CBR4: variants seen among roughly 807,000 people sequenced by gnomAD.
CBR4 encodes 3-oxoacyl-[acyl-carrier-protein] reductase.
A neutral mutation model predicts 21.0 loss-of-function variants in CBR4; 22 were observed. The observed-to-expected ratio is 1.05, with a 90% CI of 0.75 to 1.50. The LOEUF is 1.50. CBR4 is among the 40% of genes most tolerant of loss of function. CBR4 has a pLI of 0.00. For missense variants in CBR4, 302 were observed against 286.3 expected (o/e 1.05, Z -0.40); for synonymous variants, 100 against 104.4 (o/e 0.96, Z 0.26).
rs959609197 is a variant in CBR4 at position 168,914,188 on chromosome 4, T to C, written n.170-19423A>G. The C allele has an allele frequency of 2.4e-5, 15 of 631,858 alleles. No homozygotes were observed. The East Asian group carries it at 4.2e-4, about 18-fold the overall frequency. The allele number at this position is 631,858 out of a possible 1,614,324, so 39.1% of individuals were successfully genotyped here. Reference sequence around the variant, plus strand: ...CCTTGATTATTATGCTCCCTTGTGATGCAGAAAGGGAATGGGAACAAACAT... The same window carrying C: ...CCTTGATTATTATGCTCCCTTGTGACGCAGAAAGGGAATGGGAACAAACAT... On this transcript the variant is annotated intron_variant and non_coding_transcript_variant, in intron 2 of 3. Transcript: ENST00000509108.
chr4:168,926,460 T>A, intron 2 of CBR4: 1 of 1,066,416 alleles, frequency 9.4e-7, no homozygotes, highest in Non-Finnish European at 1.4e-6. Flanking sequence ...TCACATTATG[T>A]AAAAGGCAGA....
At chr4:168,939,453 T>C (rs958442697) in intron 2 of CBR4, among the ~76,000 whole-genome samples, 6 of 152,114 alleles carry the variant, frequency 3.9e-5, no homozygotes, top group African/African-American at 1.4e-4. Flanking sequence ...GACAGGGCAA[T>C]CAGGCAAGAG....
intron 2 of CBR4, chr4:168,925,507 C>A: frequency 1.9e-6 from 1 of 526,042 alleles, no homozygotes; most frequent in Non-Finnish European, 3.4e-6. Context: ...ACGTGTGTTC[C>A]ATTGATCCTG....
chr4:169,006,994 T>C, intron 2 of CBR4, 103 bp from the exon 3 acceptor site: 1 of 871,952 alleles, frequency 1.1e-6, no homozygotes, highest in Non-Finnish European at 1.8e-6. Context: ...AAGTGCTTCC[T>C]ATCTGAGCTA....
intron 2 of CBR4, among the ~76,000 whole-genome samples, chr4:168,901,364 T>C (rs1266187038): frequency 6.6e-6 from 1 of 152,230 alleles, no homozygotes; most frequent in Non-Finnish European, 1.5e-5. Context: ...CTCGTGCTTG[T>C]GCCCTCCCGA....
At chr4:168,965,918 C>T (rs1764010785) in intron 2 of CBR4, among the ~76,000 whole-genome samples, 1 of 152,008 alleles carries the variant, frequency 6.6e-6, no homozygotes, top group African/African-American at 2.4e-5. Context: ...AATTAAAGAG[C>T]TTCTGCACAG....
chr4:168,918,723 A>G (rs921056965), intron 2 of CBR4, among the ~76,000 whole-genome samples: 4 of 152,190 alleles, frequency 2.6e-5, no homozygotes, highest in Non-Finnish European at 5.9e-5. Flanking sequence ...TATGTTAATC[A>G]GCTCAGTTTA....
chr4:168,912,995 A>G (rs370160485), intron 2 of CBR4, among the ~76,000 whole-genome samples: 1 of 152,256 alleles, frequency 6.6e-6, no homozygotes, highest in East Asian at 1.9e-4. Flanking sequence ...CTAGTTTTTA[A>G]ATCTCAAATA....
intron 2 of CBR4, among the ~76,000 whole-genome samples, chr4:168,961,047 G>C (rs1203139814): frequency 6.6e-6 from 1 of 152,204 alleles, no homozygotes. Flanking sequence ...AAGTGATCAC[G>C]TATTACAAGA....
At position 168,926,406 on chromosome 4, in the gene CBR4, T is replaced by C. The variant is rs1359781943; in HGVS notation, n.170-31641A>G. On this transcript the variant is annotated intron_variant and non_coding_transcript_variant, in intron 2 of 3. Coordinates refer to the CBR4 transcript ENST00000509108. ...TGTAATCCAGCATTCTTGTTAAAGC[T>C]GAAACACTGAAACAGCCATTGCCTT... 5 of 1,508,606 alleles carry C rather than the reference T, an allele frequency of 3.3e-6. No individual in the cohort carries two copies. The Admixed American group carries it at 9.8e-5, about 30-fold the overall frequency. 93.5% of individuals were successfully genotyped at this position (1,508,606 alleles called of 1,614,324 possible).
At position 168,988,970 on chromosome 4, in the gene CBR4, C is replaced by A. The variant is rs573855176; in HGVS notation, c.*1180G>T. The A allele has an allele frequency of 1.0e-6, 1 of 983,462 alleles. No homozygotes were observed. Among genetic ancestry groups the A allele is most frequent in the African/African-American group, 1.7e-5 (1 of 57,290 alleles). The allele number at this position is 983,462 out of a possible 1,614,324, so 60.9% of individuals were successfully genotyped here. ...TGACACTGAAAATATCATACTATTC[C>A]CGATAAAAAGAGTTTAATGCAAAAT... On this transcript the variant is annotated 3_prime_UTR_variant, in exon 5 of 5. Coordinates refer to ENST00000306193, the MANE Select transcript of CBR4 (RefSeq NM_032783.5).
At chr4:168,932,282 T>C (rs1027657058) in intron 2 of CBR4, among the ~76,000 whole-genome samples, 10 of 148,590 alleles carry the variant, frequency 6.7e-5, no homozygotes, top group African/African-American at 2.5e-4. Flanking sequence ...AGTTGAAGAA[T>C]TCAATGAATA....
At position 168,917,474 on chromosome 4, in the gene CBR4, A is replaced by T. The variant is rs570280543; in HGVS notation, n.170-22709T>A. Among the ~76,000 whole-genome samples the T allele has an allele frequency of 2.6e-5, 4 of 152,330 alleles. 1 individual carries two copies. The highest frequency in any genetic ancestry group is 2.6e-4 in the Admixed American group (4 of 15,308). On this transcript the variant is annotated intron_variant and non_coding_transcript_variant, in intron 2 of 3. Transcript: ENST00000509108. Reference sequence around the variant, plus strand: ...ATCCATTTCTCAAAGGAGTTTAGGGAAAAAATATTTAAGAAACACTGCTCT... The same window carrying T: ...ATCCATTTCTCAAAGGAGTTTAGGGTAAAAATATTTAAGAAACACTGCTCT...
rs553954998 is a variant in CBR4, at chr4:168,943,672, G to A, written n.170-48907C>T. On this transcript the variant is annotated intron_variant and non_coding_transcript_variant, in intron 2 of 3. Coordinates refer to the CBR4 transcript ENST00000509108. ...TGCCTGTAATTCCAACACTTTGGGAGGCTGAGACGGGTGGATCACCTGAGG... is the reference window on the plus strand; with the variant it reads ...TGCCTGTAATTCCAACACTTTGGGAAGCTGAGACGGGTGGATCACCTGAGG... Among the ~76,000 whole-genome samples the A allele has an allele frequency of 1.3e-4, 20 of 152,306 alleles. 1 individual carries two copies. The East Asian group carries it at 3.9e-3, about 29-fold the overall frequency.
chr4:168,921,347 C>T (rs770746549), intron 2 of CBR4, among the ~76,000 whole-genome samples: 22 of 128,602 alleles, frequency 1.7e-4, no homozygotes, highest in Admixed American at 5.3e-4. Flanking sequence ...GCAGAGGTTG[C>T]AGTGAGCTGA....
At chr4:168,920,635 C>G (rs1030457799) in intron 2 of CBR4, among the ~76,000 whole-genome samples, 23 of 152,100 alleles carry the variant, frequency 1.5e-4, no homozygotes, top group South Asian at 4.1e-4. Flanking sequence ...CAATTAAATG[C>G]TTTTATCTGA....
chr4:168,910,212 C>G (rs1281084585), intron 2 of CBR4, among the ~76,000 whole-genome samples: 1 of 143,036 alleles, frequency 7.0e-6, no homozygotes, highest in Non-Finnish European at 1.5e-5. Context: ...AGTATGCCAA[C>G]CTGTTTACTT....
chr4:169,009,961 G>A lies in CBR4; in HGVS notation c.129C>T (p.Ala43=), dbSNP rs774904769. The A allele has an allele frequency of 3.7e-6, 6 of 1,611,816 alleles. No individual in the cohort carries two copies. The highest frequency in any genetic ancestry group is 2.2e-5 in the East Asian group (1 of 44,828). ...ARNLEGAKAA[A]GDLGGDHLAF... Reference sequence around the variant, plus strand: ...TTTGGTACCTACCGCCGAGGTCACCGGCGGCGGCTTTGGCCCCTTCCAGGT... The same window carrying A: ...TTTGGTACCTACCGCCGAGGTCACCAGCGGCGGCTTTGGCCCCTTCCAGGT... The change falls in exon 1 of 5, where the codon GCC becomes GCT. Residue 43 remains alanine (A), a synonymous_variant. Transcript: ENST00000306193.
chr4:168,974,198 T>C (rs547930437), intron 2 of CBR4, among the ~76,000 whole-genome samples: 1 of 152,336 alleles, frequency 6.6e-6, no homozygotes, highest in South Asian at 2.1e-4. Flanking sequence ...TTTCACTAGA[T>C]ACAAAATTCT....
Sources: gnomAD v4.1 joint callset for allele counts (sites outside exome capture counted in the v4.1 genomes callset) on GRCh38, gnomAD v4.1.1 for gene constraint, MANE v1.5 for transcripts, NCBI Gene and HGNC (gene_info 2026-07-23, HGNC 2026-07-21) for gene names.